The following DEDD2 variants were observed in gnomAD, a reference collection of about 807,000 sequenced individuals.
DEDD2 encodes DNA-binding death effector domain-containing protein 2.
In DEDD2, 18 loss-of-function variants were observed where a neutral mutation model predicts 28.9. That is an observed-to-expected ratio of 0.62 (90% CI 0.43 to 0.92). The LOEUF is 0.92. Among genes scored for constraint, DEDD2 ranks in the 40% least tolerant of loss-of-function variants. DEDD2 has a pLI of 0.00. For synonymous variants in DEDD2, 211 were observed against 206.1 expected (o/e 1.02, Z -0.20); for missense variants, 411 against 463.3 (o/e 0.89, Z 1.04).
rs997140897 is a variant in DEDD2, at chr19:42,198,606, T to G, written c.*832A>C. On this transcript the variant is annotated 3_prime_UTR_variant, in exon 5 of 5. Coordinates refer to ENST00000596251, the MANE Select transcript of DEDD2 (RefSeq NM_133328.4). ...AGTCCTAGAGAGGCCGATGCCCACC[T>G]ATGCCCTTTCCAGGGCAGTTTAATT... 6.6e-6 allele frequency: 1 copy of G among 152,250 alleles called. No individual in the cohort carries two copies. The highest frequency in any genetic ancestry group is 1.5e-5 in the Non-Finnish European group (1 of 68,048). 9.4% of individuals were successfully genotyped at this position (152,250 alleles called of 1,614,324 possible).
intron 3 of DEDD2, among the ~76,000 whole-genome samples, chr19:42,212,428 C>T (rs1014648939): frequency 1.3e-5 from 2 of 148,752 alleles, no homozygotes; most frequent in South Asian, 2.1e-4. Flanking sequence ...TTCTGTTGCC[C>T]GGGCTGGAGT....
At chr19:42,215,667 T>C (rs1362761478) in intron 2 of DEDD2, among the ~76,000 whole-genome samples, 1 of 152,172 alleles carries the variant, frequency 6.6e-6, no homozygotes, top group Non-Finnish European at 1.5e-5. Flanking sequence ...GAGCTGTCCT[T>C]CTCCTGCTTA....
rs2035248852 is a variant in DEDD2, at chr19:42,199,712, G to A, written c.707C>T (p.Thr236Ile). ...ARQLDVFGQA[T>I]AVLRSRDLGS... ...CAGGTCCCTTGAGCGCAGCACTGCG[G>A]TGGCCTGCCCAAACACGTCCAGCTG... Residue 236 changes from threonine to isoleucine, a missense_variant, in exon 5 of 5, where the codon ACC (threonine) becomes ATC (isoleucine). By Grantham distance (89) the Thr-to-Ile change is moderately conservative. Around this residue, in one of 2 missense-constraint regions of DEDD2, gnomAD observed 129 missense variants for 189.9 expected, o/e 0.68. Coordinates refer to ENST00000596251, the MANE Select transcript of DEDD2 (RefSeq NM_133328.4). The surrounding 1 kb of genome is among the most constrained non-coding windows in gnomAD (Gnocchi z 7.4). The A allele has an allele frequency of 1.2e-6, 2 of 1,614,074 alleles. No individual in the cohort carries two copies. The highest frequency in any genetic ancestry group is 1.7e-6 in the Non-Finnish European group (2 of 1,179,954).
intron 1 of DEDD2, 102 bp from the exon 2 acceptor site, chr19:42,217,147 C>G: frequency 1.2e-6 from 1 of 865,938 alleles, no homozygotes; most frequent in Non-Finnish European, 1.8e-6. Context: ...CGGGCAGGGC[C>G]GCTCCCGCAC....
chr19:42,200,341 G>A (rs776645138), intron 4 of DEDD2, among the ~76,000 whole-genome samples: 10 of 152,228 alleles, frequency 6.6e-5, no homozygotes, highest in Non-Finnish European at 1.5e-4. Flanking sequence ...TGTCTGTTTT[G>A]TTCACTTGTG....
chr19:42,217,185 C>G, intron 1 of DEDD2, 140 bp from the exon 2 acceptor site: 3 of 655,538 alleles, frequency 4.6e-6, no homozygotes, highest in Non-Finnish European at 7.7e-6. Context: ...TCCCCCTCCC[C>G]CGGGAGGGAA....
At position 42,217,029 on chromosome 19, in the gene DEDD2, C is replaced by G; in HGVS notation, c.-22G>C. The G allele has an allele frequency of 6.4e-7, 1 of 1,560,542 alleles. No homozygotes were observed. Among genetic ancestry groups the G allele is most frequent in the Non-Finnish European group, 8.7e-7 (1 of 1,152,912 alleles). On this transcript the variant is annotated 5_prime_UTR_variant, in exon 2 of 5. Coordinates refer to ENST00000596251, the MANE Select transcript of DEDD2 (RefSeq NM_133328.4). ...CCATTCCCGGGGGAGGGAGGCGGAA[C>G]AAGCTCAGAACCCGGCCTAGAACCC...
intron 1 of DEDD2, 80 bp from the exon 2 acceptor site, chr19:42,217,125 G>A: frequency 8.9e-7 from 1 of 1,124,164 alleles, no homozygotes; most frequent in Middle Eastern, 2.7e-4. Flanking sequence ...CGTCTCCCCC[G>A]CCCAATCGCG....
chr19:42,217,534 C>G (rs998521772), intron 1 of DEDD2, 98 bp downstream of exon 1: 4 of 159,702 alleles, frequency 2.5e-5, no homozygotes, highest in Non-Finnish European at 5.5e-5. Flanking sequence ...CCGAACCCGA[C>G]CCCCTCGCCC....
intron 2 of DEDD2, among the ~76,000 whole-genome samples, chr19:42,215,983 T>C (rs2035951385): frequency 6.6e-6 from 1 of 152,178 alleles, no homozygotes; most frequent in South Asian, 2.1e-4. Context: ...CTCTCTTCCC[T>C]AGCTTGGGTC....
At position 42,199,087 on chromosome 19, in the gene DEDD2, A is replaced by C; in HGVS notation, c.*351T>G. On this transcript the variant is annotated 3_prime_UTR_variant, in exon 5 of 5. Coordinates refer to ENST00000596251, the MANE Select transcript of DEDD2 (RefSeq NM_133328.4). This position sits in a 1 kb window ranked among gnomAD's most constrained non-coding sequence, Gnocchi z 7.4. ...AGTGTGAGCATGAGCGAGTGTGTGC[A>C]CCTGTGACAGTGCAGACAGCCCAAG... The C allele has an allele frequency of 3.5e-6, 1 of 286,316 alleles. No individual in the cohort carries two copies. The highest frequency in any genetic ancestry group is 6.7e-6 in the Non-Finnish European group (1 of 149,510). The allele number at this position is 286,316 out of a possible 1,614,324, so 17.7% of individuals were successfully genotyped here.
Position 42,215,000 on chromosome 19 carries a change from A to AACAC in DEDD2, c.448+129_448+132dup, listed in dbSNP as rs35862480. 1.9e-3 allele frequency: 1,946 copies of AACAC among 1,041,136 alleles called. 2 individuals are homozygous for AACAC. The highest frequency in any genetic ancestry group is 9.9e-3 in the East Asian group (366 of 37,152). 64.5% of individuals were successfully genotyped at this position (1,041,136 alleles called of 1,614,324 possible). A position where few individuals can be genotyped will look rare whatever the true frequency, so the allele number is the denominator to read the frequency against. Reference sequence around the variant, plus strand: ...TCAGAACAGAGTATCTGTAGCAATAAACACACACACACACACACACACACA... The same window carrying AACAC: ...TCAGAACAGAGTATCTGTAGCAATAAACACACACACACACACACACACACACACA... On this transcript the variant is annotated intron_variant, in intron 3 of 4. Transcript: ENST00000596251.
At chr19:42,200,020 C>T (rs1017056386) in intron 4 of DEDD2, among the ~76,000 whole-genome samples, 191 bp from the exon 5 acceptor site, 14 of 152,144 alleles carry the variant, frequency 9.2e-5, no homozygotes, top group African/African-American at 3.1e-4. Flanking sequence ...AGCCCACCAC[C>T]TCCTCACTGC....
Position 42,199,858 on chromosome 19 carries a change from A to AG in DEDD2, c.590-30dup. 1.3e-6 allele frequency: 2 copies of AG among 1,559,698 alleles called. No individual in the cohort carries two copies. Among genetic ancestry groups the AG allele is most frequent in the South Asian group, 2.4e-5 (2 of 84,854 alleles). ...CAGGGGAAGGAGGGATTTGTCAGGG[A>AG]GGGGGCCAACACTAGACACACTTAT... On this transcript the variant is annotated intron_variant, in intron 4 of 4. Transcript: ENST00000596251. This position sits in a 1 kb window ranked among gnomAD's most constrained non-coding sequence, Gnocchi z 7.4.
intron 4 of DEDD2, among the ~76,000 whole-genome samples, chr19:42,203,762 T>C (rs1458485171): frequency 6.6e-6 from 1 of 152,180 alleles, no homozygotes; most frequent in African/African-American, 2.4e-5. Context: ...TAGGGGCAAC[T>C]CCAGCTGTGC....
intron 2 of DEDD2, 25 bp from the exon 3 acceptor site, chr19:42,215,277 A>C (rs367983291): frequency 1.4e-5 from 22 of 1,612,476 alleles, no homozygotes; most frequent in Non-Finnish European, 1.7e-5. Context: ...GAACAGGAAG[A>C]AGCATTCAGC....
chr19:42,201,089 C>T (rs1170587415), intron 4 of DEDD2, among the ~76,000 whole-genome samples: 1 of 152,216 alleles, frequency 6.6e-6, no homozygotes, highest in Non-Finnish European at 1.5e-5. Flanking sequence ...CTCATTTAAC[C>T]TATAAATGAC....
chr19:42,211,740 A>T (rs894500485), intron 3 of DEDD2, among the ~76,000 whole-genome samples: 11 of 152,174 alleles, frequency 7.2e-5, no homozygotes, highest in African/African-American at 2.7e-4. Flanking sequence ...CTTTTAGTAT[A>T]AAAAAGTCTG....
chr19:42,215,000 A>AAC (rs35862480), intron 3 of DEDD2, 133 bp downstream of exon 3: 38,830 of 1,036,722 alleles, frequency 0.037, 236 homozygotes, highest in East Asian at 0.14. Flanking sequence ...TGTAGCAATA[A>AAC]ACACACACAC....
Sources: allele counts gnomAD v4.1 joint callset (sites outside exome capture counted in the v4.1 genomes callset), GRCh38; gene constraint gnomAD v4.1.1; regional missense constraint gnomAD v4.1.1; non-coding constraint Gnocchi (gnomAD v3.1); transcripts MANE v1.5; gene names NCBI Gene and HGNC (gene_info 2026-07-23, HGNC 2026-07-21).